TCERG1: variants seen among roughly 807,000 people sequenced by gnomAD.
TCERG1 encodes the protein transcription elongation regulator 1.
TCERG1 carries 37 observed loss-of-function variants against 144.7 expected under a neutral mutation model. The ratio of observed to expected loss-of-function variants is 0.26; its 90% CI spans 0.20 to 0.34. The LOEUF (loss-of-function observed/expected upper bound fraction) is 0.34, where lower values mean the gene tolerates loss of function less well. Among genes scored for constraint, TCERG1 ranks in the 10% least tolerant of loss-of-function variants. TCERG1 has a pLI of 1.00. For synonymous variants in TCERG1, 492 were observed against 458.2 expected (o/e 1.07, Z -0.94); for missense variants, 1,027 against 1,380.7 (o/e 0.74, Z 4.06).
intron 4 of TCERG1, among the ~76,000 whole-genome samples, chr5:146,462,977 T>C (rs997666806): frequency 2.6e-5 from 4 of 152,198 alleles, no homozygotes; most frequent in African/African-American, 9.7e-5. Flanking sequence ...TAGATAATTT[T>C]CTCTATATTT....
intron 1 of TCERG1, among the ~76,000 whole-genome samples, chr5:146,453,487 T>A (rs897657875): frequency 6.6e-6 from 1 of 152,252 alleles, no homozygotes; most frequent in Non-Finnish European, 1.5e-5. Flanking sequence ...AATAGAGATA[T>A]TATTTTACTT....
rs1765602937 is a variant in TCERG1 at position 146,484,099 on chromosome 5, ATATG to A, written c.2163+472_2163+475del. 2.0e-5 allele frequency among the ~76,000 whole-genome samples: 3 copies of A among 152,284 alleles called. No individual in the cohort carries two copies. The South Asian group carries it at 6.2e-4, about 32-fold the overall frequency. ...CCATTATGTGTCAGTATGTACATAT[ATATG>A]TGTGTGTGTGTCCTGTAGATAGTAC... On this transcript the variant is annotated intron_variant, in intron 15 of 22. Coordinates refer to ENST00000679501, the MANE Select transcript of TCERG1 (RefSeq NM_001382548.1).
At chr5:146,449,573 C>T (rs534497478) in intron 1 of TCERG1, among the ~76,000 whole-genome samples, 2 of 152,296 alleles carry the variant, frequency 1.3e-5, no homozygotes, top group South Asian at 4.1e-4. Context: ...TTTCTTGCCC[C>T]TCCAGTTAAA....
chr5:146,502,785 A>G (rs1391720339), intron 17 of TCERG1, among the ~76,000 whole-genome samples: 2 of 152,182 alleles, frequency 1.3e-5, no homozygotes, highest in African/African-American at 4.8e-5. Context: ...ACTTTCTCAC[A>G]TATCAAGGTG....
chr5:146,498,848 T>C (rs1040105875), intron 17 of TCERG1, among the ~76,000 whole-genome samples, 162 bp downstream of exon 17: 4 of 152,208 alleles, frequency 2.6e-5, no homozygotes, highest in African/African-American at 9.6e-5. Flanking sequence ...ATGTATGTAT[T>C]CTATCACTTT....
chr5:146,448,274 A>G (rs574164769), intron 1 of TCERG1, among the ~76,000 whole-genome samples: 31 of 152,288 alleles, frequency 2.0e-4, no homozygotes, highest in African/African-American at 6.7e-4. Context: ...TGCAATCCCA[A>G]TTGGCGTTCT....
intron 1 of TCERG1, among the ~76,000 whole-genome samples, chr5:146,451,784 T>TA (rs1762382790): frequency 6.7e-6 from 1 of 149,416 alleles, no homozygotes; most frequent in Non-Finnish European, 1.5e-5. Context: ...TTTTTTTTTT[T>TA]TTTAATTTTT....
Position 146,455,354 on chromosome 5 carries a change from A to T in TCERG1, c.285+73A>T. 3 of 1,517,312 alleles carry T rather than the reference A, an allele frequency of 2.0e-6. No homozygotes were observed. In the South Asian group the frequency reaches 3.6e-5, roughly 18 times the overall value. 94.0% of individuals were successfully genotyped at this position (1,517,312 alleles called of 1,614,324 possible). A position where few individuals can be genotyped will look rare whatever the true frequency, so the allele number is the denominator to read the frequency against. On this transcript the variant is annotated intron_variant, in intron 2 of 22. Transcript: ENST00000679501. ...ATTATATATGGGTTTTGAGTTAAAAACTTACATTCTTAAATAGTTTCAGTT... is the reference window on the plus strand; with the variant it reads ...ATTATATATGGGTTTTGAGTTAAAATCTTACATTCTTAAATAGTTTCAGTT...
Position 146,507,944 on chromosome 5 carries a change from C to T in TCERG1, c.3033C>T (p.Ser1011=), listed in dbSNP as rs138851387. 5.0e-6 allele frequency: 8 copies of T among 1,605,624 alleles called. No homozygotes were observed. Among genetic ancestry groups the T allele is most frequent in the South Asian group, 1.1e-5 (1 of 89,040 alleles). ...IKEDPRCIKF[S]SSDRKKQREF... ...AAGATCCTCGATGTATTAAGTTCTC[C>T]TCCAGTGACAGGGTAAGAGGATTTT... The change falls in exon 21 of 23, where the codon TCC becomes TCT. Residue 1011 remains serine, a synonymous_variant. Coordinates refer to ENST00000679501, the MANE Select transcript of TCERG1 (RefSeq NM_001382548.1). This position sits in a 1 kb window ranked among gnomAD's most constrained non-coding sequence, Gnocchi z 4.6.
intron 17 of TCERG1, among the ~76,000 whole-genome samples, chr5:146,502,347 G>A (rs186288167): frequency 7.9e-5 from 12 of 152,292 alleles, no homozygotes; most frequent in Admixed American, 6.5e-4. Flanking sequence ...CCTACTGGAA[G>A]GGAGGGGTTC....
In TCERG1 at chr5:146,459,164, A is replaced by G. The variant is rs1763123755; in HGVS notation, c.719A>G (p.Gln240Arg). 1.9e-6 allele frequency: 3 copies of G among 1,612,552 alleles called. No individual in the cohort carries two copies. The highest frequency in any genetic ancestry group is 2.2e-5 in the South Asian group (2 of 91,046). ...QAQAQAQAQA[Q>R]AQVQAQVQAQ... ...CAGGCACAAGCTCAGGCCCAGGCCCAGGCTCAGGTCCAGGCCCAGGTCCAG... is the reference window on the plus strand; with the variant it reads ...CAGGCACAAGCTCAGGCCCAGGCCCGGGCTCAGGTCCAGGCCCAGGTCCAG... The change falls in exon 4 of 23, where the codon CAG becomes CGG. Residue 240 changes from glutamine (Q) to arginine (R), a missense_variant. By Grantham distance (43) the Gln-to-Arg change is conservative. Around this residue, in one of 6 missense-constraint regions of TCERG1, gnomAD observed 187 missense variants for 169.1 expected, o/e 1.11. Transcript: ENST00000679501.
At chr5:146,505,289 G>A (rs956474524) in intron 19 of TCERG1, among the ~76,000 whole-genome samples, 3 of 151,970 alleles carry the variant, frequency 2.0e-5, no homozygotes, top group South Asian at 2.1e-4. Flanking sequence ...AAATTTATCC[G>A]TTCTGTTGCA....
intron 1 of TCERG1, among the ~76,000 whole-genome samples, chr5:146,454,693 G>C (rs968814107): frequency 6.6e-6 from 1 of 152,122 alleles, no homozygotes; most frequent in Non-Finnish European, 1.5e-5. Flanking sequence ...TGCCTTGCGG[G>C]TTCAAGTGAT....
chr5:146,487,454 G>GA lies in TCERG1; in HGVS notation c.2163+3832dup, dbSNP rs543920322. Among the ~76,000 whole-genome samples the GA allele has an allele frequency of 8.2e-4, 124 of 152,136 alleles. 1 individual carries two copies. The highest frequency in any genetic ancestry group is 2.9e-3 in the African/African-American group (120 of 41,520). On this transcript the variant is annotated intron_variant, in intron 15 of 22. Transcript: ENST00000679501. ...CATTCAAAACAGAATGTCACTGGAA[G>GA]AAAAAAATCTGGATAGGCAAGGTGG... is the stretch of plus-strand genomic sequence containing the variant.
rs184350643 is a variant in TCERG1, at chr5:146,478,481, A to G, written c.1602-12A>G. 738 of 1,563,646 alleles carry G rather than the reference A, an allele frequency of 4.7e-4. 1 individual carries two copies. In the African/African-American group the frequency reaches 8.6e-3, roughly 18 times the overall value. ...GTAACATAAGAGAATGATATTTTGC[A>G]TCAATTCTTAGGTGTGTCGTTTGGA... is the stretch of plus-strand genomic sequence containing the variant. On this transcript the variant is annotated splice_polypyrimidine_tract_variant and intron_variant, in intron 9 of 22. Transcript: ENST00000679501.
chr5:146,495,252 C>T (rs537236021), intron 16 of TCERG1, among the ~76,000 whole-genome samples: 3 of 152,268 alleles, frequency 2.0e-5, no homozygotes, highest in African/African-American at 7.2e-5. Flanking sequence ...TTGTATTATA[C>T]TTACTACGTG....
intron 8 of TCERG1, among the ~76,000 whole-genome samples, chr5:146,471,032 T>G (rs1050094479): frequency 6.6e-6 from 1 of 152,260 alleles, no homozygotes; most frequent in Non-Finnish European, 1.5e-5. Context: ...GTTAAAATTA[T>G]AAGTGTAACT....
chr5:146,510,317 T>C, intron 22 of TCERG1, 124 bp from the exon 23 acceptor site: 1 of 766,684 alleles, frequency 1.3e-6, no homozygotes, highest in East Asian at 3.0e-5. Context: ...GAAATTTTTC[T>C]TAAAAAAAAA....
intron 10 of TCERG1, among the ~76,000 whole-genome samples, 169 bp from the exon 11 acceptor site, chr5:146,479,686 G>A (rs1412065641): frequency 6.6e-6 from 1 of 152,148 alleles, no homozygotes; most frequent in African/African-American, 2.4e-5. Context: ...TAAATTTAAT[G>A]TAAAGGGAGG....
Sources: gnomAD v4.1 joint callset for allele counts (sites outside exome capture counted in the v4.1 genomes callset) on GRCh38, gnomAD v4.1.1 for gene constraint, gnomAD v4.1.1 regional missense constraint, Gnocchi (gnomAD v3.1) non-coding constraint, MANE v1.5 for transcripts, NCBI Gene and HGNC (gene_info 2026-07-23, HGNC 2026-07-21) for gene names.